ZBED2: variants seen among roughly 807,000 people sequenced by gnomAD.
ZBED2 encodes the protein zinc finger BED domain-containing protein 2.
For missense variants in ZBED2, 285 were observed against 281.0 expected (o/e 1.01, Z -0.10); for synonymous variants, 97 against 98.8 (o/e 0.98, Z 0.11).
chr3:111,593,429 C>G lies in ZBED2; in HGVS notation c.*116G>C, dbSNP rs1216335690. 1 of 1,320,476 alleles carries G rather than the reference C, an allele frequency of 7.6e-7. No individual in the cohort carries two copies. 81.8% of individuals were successfully genotyped at this position (1,320,476 alleles called of 1,614,324 possible). ...GATTAACTCATACTGTGCACTATTT[C>G]ACATAAAAGCAAAATGTCACCAAAC... On this transcript the variant is annotated 3_prime_UTR_variant, in exon 2 of 2. Transcript: ENST00000317012.
Position 111,593,849 on chromosome 3 carries a change from G to T in ZBED2, c.353C>A (p.Ala118Asp). ...GGGCCTTGGATCCTGGCGCTGCCCA[G>T]CCTGACCATGGCCACTCTTCTCCAG... ...EELEKSGHGQ[A>D]GQRQDPRPHG... Residue 118 changes from alanine to aspartate, a missense_variant, in exon 2 of 2, where the codon GCT becomes GAT. By Grantham distance (126) the Ala-to-Asp change is moderately radical. Coordinates refer to ENST00000317012, the MANE Select transcript of ZBED2 (RefSeq NM_024508.5). 2 of 1,613,952 alleles carry T rather than the reference G, an allele frequency of 1.2e-6. No homozygotes were observed. The highest frequency in any genetic ancestry group is 1.7e-6 in the Non-Finnish European group (2 of 1,180,038).
At chr3:111,595,209 T>G (rs1167999043) in intron 1 of ZBED2, 91 bp downstream of exon 1, 1 of 153,118 alleles carries the variant, frequency 6.5e-6, no homozygotes, top group Non-Finnish European at 1.5e-5. Context: ...CTTTCTTGGG[T>G]CATTTCTTAA....
chr3:111,595,165 A>G (rs1254693652), intron 1 of ZBED2, 99 bp from the exon 2 acceptor site: 1 of 161,466 alleles, frequency 6.2e-6, no homozygotes, highest in African/African-American at 2.4e-5. Flanking sequence ...ATGGAAAATC[A>G]TATTACATTT....
rs552827671 is a variant in ZBED2 at position 111,594,648 on chromosome 3, T to G, written c.-447A>C. On this transcript the variant is annotated 5_prime_UTR_variant, in exon 2 of 2. Transcript: ENST00000317012. The stretch of plus-strand genomic sequence containing the variant: ...TGGTTGTTTCCACTGTTTCTGTGCT[T>G]CTTATTTCCTATAATTGCATTTTGG... The G allele has an allele frequency of 1.8e-5, 3 of 169,742 alleles. No individual in the cohort carries two copies. The highest frequency in any genetic ancestry group is 4.3e-5 in the Non-Finnish European group (3 of 70,046). 10.5% of individuals were successfully genotyped at this position (169,742 alleles called of 1,614,324 possible). A position where few individuals can be genotyped will look rare whatever the true frequency, so the allele number is the denominator to read the frequency against.
intron 1 of ZBED2, 93 bp downstream of exon 1, chr3:111,595,207 G>A (rs1000910085): frequency 2.0e-5 from 3 of 152,940 alleles, no homozygotes; most frequent in South Asian, 4.2e-4. Flanking sequence ...TCCTTTCTTG[G>A]GTCATTTCTT....
chr3:111,593,930 AC>A lies in ZBED2; in HGVS notation c.271del (p.Val91SerfsTer12). The A allele has an allele frequency of 6.2e-7, 1 of 1,613,720 alleles. No individual in the cohort carries two copies. The highest frequency in any genetic ancestry group is 8.5e-7 in the Non-Finnish European group (1 of 1,180,010). On this transcript the variant is annotated frameshift_variant, in exon 2 of 2. Coordinates refer to ENST00000317012, the MANE Select transcript of ZBED2 (RefSeq NM_024508.5). LOFTEE classifies it low-confidence loss of function (END_TRUNC). ...CCACAGTGCAGTGGTGCCCACGTTGACCCCAGGGCCACGGCTCACCTGCCTG... is the reference window on the plus strand; with the variant it reads ...CCACAGTGCAGTGGTGCCCACGTTGACCCAGGGCCACGGCTCACCTGCCTG... ...CGRQVSRGPGVNVGTTALWKH... is the reference protein window; with the variant it reads ...CGRQVSRGPGXNVGTTALWKH...
chr3:111,593,831 G>C lies in ZBED2; in HGVS notation c.371C>G (p.Pro124Arg). 6.2e-7 allele frequency: 1 copy of C among 1,614,068 alleles called. No individual in the cohort carries two copies. Among genetic ancestry groups the C allele is most frequent in the Non-Finnish European group, 8.5e-7 (1 of 1,180,036 alleles). ...GHGQAGQRQD[P>R]RPHGPQLPTG... ...GGGGAGCTGGGGCCCGTGGGGCCTT[G>C]GATCCTGGCGCTGCCCAGCCTGACC... The change falls in exon 2 of 2, where the codon CCA becomes CGA. Residue 124 changes from proline to arginine, a missense_variant. By Grantham distance (103) the Pro-to-Arg change is moderately radical (BLOSUM62 -2). Coordinates refer to ENST00000317012, the MANE Select transcript of ZBED2 (RefSeq NM_024508.5).
chr3:111,594,045 G>A lies in ZBED2; in HGVS notation c.157C>T (p.Arg53Trp), dbSNP rs967555755. The change falls in exon 2 of 2, where the codon CGG becomes TGG. Residue 53 changes from arginine (R) to tryptophan (W), a missense_variant. Arg to Trp is a moderately radical substitution (Grantham distance 101). Transcript: ENST00000317012. The part of the protein sequence containing the change: ...PTPMPHNKGT[R>W]FSEAWEYFHL... ...AAATATTCCCATGCCTCAGAGAACC[G>A]GGTGCCCTTGTTGTGGGGCATTGGA... 5.0e-6 allele frequency: 8 copies of A among 1,614,030 alleles called. No individual in the cohort carries two copies. Among genetic ancestry groups the A allele is most frequent in the African/African-American group, 1.3e-5 (1 of 74,914 alleles).
Position 111,593,545 on chromosome 3 carries a change from T to C in ZBED2, c.657A>G (p.Ter219=). The C allele has an allele frequency of 6.6e-7, 1 of 1,512,826 alleles. No homozygotes were observed. Among genetic ancestry groups the C allele is most frequent in the East Asian group, 2.3e-5 (1 of 43,830 alleles). 93.7% of individuals were successfully genotyped at this position (1,512,826 alleles called of 1,614,324 possible). The change falls in exon 2 of 2, where the codon TAA becomes TAG. Residue 219 remains the stop codon, a stop_retained_variant. Transcript: ENST00000317012. ...PAAVHPFHFV[*] ...TCAGAATAGATTCTCCAAGCCCAAT[T>C]TAAACAAAATGGAAGGGATGTACTG... is the stretch of plus-strand genomic sequence containing the variant.
rs1576364597 is a variant in ZBED2, at chr3:111,594,227, T to C, written c.-26A>G. 3.2e-6 allele frequency: 5 copies of C among 1,561,620 alleles called. No homozygotes were observed. The South Asian group carries it at 4.9e-5, about 15-fold the overall frequency. On this transcript the variant is annotated 5_prime_UTR_variant, in exon 2 of 2. Coordinates refer to ENST00000317012, the MANE Select transcript of ZBED2 (RefSeq NM_024508.5). ...GTCACCTCTTCTACAGCGTTCTTTA[T>C]GATGTGCTTAGATGTGAGCCAAAAG...
rs1466999670 is a variant in ZBED2 at position 111,593,704 on chromosome 3, T to C, written c.498A>G (p.Ala166=). ...CCACAGCCCTCTCCCGCCATTCCAC[T>C]GCCCTTTCCCTCCTAAGCACCTCCT... ...REKEVLRRER[A]VEWRERAVEK... Residue 166 remains alanine, a synonymous_variant, in exon 2 of 2, where the codon GCA becomes GCG. Coordinates refer to ENST00000317012, the MANE Select transcript of ZBED2 (RefSeq NM_024508.5). 1.9e-6 allele frequency: 3 copies of C among 1,614,050 alleles called. No individual in the cohort carries two copies. Among genetic ancestry groups the C allele is most frequent in the Non-Finnish European group, 2.5e-6 (3 of 1,179,944 alleles).
At position 111,594,459 on chromosome 3, in the gene ZBED2, C is replaced by T. The variant is rs1286813541; in HGVS notation, c.-258G>A. ...CATGCCCCAGATACTTACTTATCCTCCCTTGACTAGGCCAGAAAGACAAAA... is the reference window on the plus strand; with the variant it reads ...CATGCCCCAGATACTTACTTATCCTTCCTTGACTAGGCCAGAAAGACAAAA... On this transcript the variant is annotated 5_prime_UTR_variant, in exon 2 of 2. Transcript: ENST00000317012. 9.6e-6 allele frequency: 4 copies of T among 415,440 alleles called. No individual in the cohort carries two copies. The highest frequency in any genetic ancestry group is 6.0e-5 in the African/African-American group (3 of 50,024). The allele number at this position is 415,440 out of a possible 1,614,324, so 25.7% of individuals were successfully genotyped here.
Position 111,593,396 on chromosome 3 carries a change from C to A in ZBED2, c.*149G>T. Reference sequence around the variant, plus strand: ...TAGATAAGCATTTGGTCAATTCAGACCTGCTCAGATTAACTCATACTGTGC... The same window carrying A: ...TAGATAAGCATTTGGTCAATTCAGAACTGCTCAGATTAACTCATACTGTGC... On this transcript the variant is annotated 3_prime_UTR_variant, in exon 2 of 2. Coordinates refer to ENST00000317012, the MANE Select transcript of ZBED2 (RefSeq NM_024508.5). The A allele has an allele frequency of 1.0e-6, 1 of 984,582 alleles. No homozygotes were observed. The allele number at this position is 984,582 out of a possible 1,614,324, so 61.0% of individuals were successfully genotyped here.
Position 111,594,310 on chromosome 3 carries a change from G to C in ZBED2, c.-109C>G, listed in dbSNP as rs1320050675. On this transcript the variant is annotated 5_prime_UTR_variant, in exon 2 of 2. Coordinates refer to ENST00000317012, the MANE Select transcript of ZBED2 (RefSeq NM_024508.5). ...GGGAAGGGCCTGTGGTAACTCTTGG[G>C]GATTCACAATAATGGCCAAAGTCTG... The C allele has an allele frequency of 7.2e-7, 1 of 1,380,800 alleles. No individual in the cohort carries two copies. The highest frequency in any genetic ancestry group is 1.4e-5 in the African/African-American group (1 of 69,074). 85.5% of individuals were successfully genotyped at this position (1,380,800 alleles called of 1,614,324 possible).
Position 111,593,906 on chromosome 3 carries a change from C to T in ZBED2, c.296G>A (p.Trp99Ter). The change falls in exon 2 of 2, where the codon TGG (tryptophan) becomes TAG (stop). Residue 99 changes from tryptophan to a stop codon, truncating the protein, a stop_gained. Coordinates refer to ENST00000317012, the MANE Select transcript of ZBED2 (RefSeq NM_024508.5). LOFTEE classifies it low-confidence loss of function (END_TRUNC). Reference sequence around the variant, plus strand: ...TCTGTGCATGCTTTTCAGATGCTTCCACAGTGCAGTGGTGCCCACGTTGAC... The same window carrying T: ...TCTGTGCATGCTTTTCAGATGCTTCTACAGTGCAGTGGTGCCCACGTTGAC... ...PGVNVGTTAL[W>*]KHLKSMHREE... 6.2e-6 allele frequency: 10 copies of T among 1,613,736 alleles called. No homozygotes were observed. Among genetic ancestry groups the T allele is most frequent in the Non-Finnish European group, 8.5e-6 (10 of 1,180,040 alleles).
At chr3:111,595,273 T>A (rs941620633) in intron 1 of ZBED2, 27 bp downstream of exon 1, 4 of 152,052 alleles carry the variant, frequency 2.6e-5, no homozygotes, top group Non-Finnish European at 4.4e-5. Context: ...GTTAGGAAAT[T>A]CCCCCCAGCC....
In ZBED2 at chr3:111,593,395, A is replaced by T; in HGVS notation, c.*150T>A. The T allele has an allele frequency of 1.0e-6, 1 of 971,808 alleles. No individual in the cohort carries two copies. Among genetic ancestry groups the T allele is most frequent in the Non-Finnish European group, 1.4e-6 (1 of 697,714 alleles). The allele number at this position is 971,808 out of a possible 1,614,324, so 60.2% of individuals were successfully genotyped here. On this transcript the variant is annotated 3_prime_UTR_variant, in exon 2 of 2. Transcript: ENST00000317012. ...GTAGATAAGCATTTGGTCAATTCAG[A>T]CCTGCTCAGATTAACTCATACTGTG... is the stretch of plus-strand genomic sequence containing the variant.
rs770998644 is a variant in ZBED2, at chr3:111,594,241, G to A, written c.-40C>T. 2 of 1,526,108 alleles carry A rather than the reference G, an allele frequency of 1.3e-6. No homozygotes were observed. The highest frequency in any genetic ancestry group is 2.1e-5 in the Admixed American group (1 of 46,632). The allele number at this position is 1,526,108 out of a possible 1,614,324, so 94.5% of individuals were successfully genotyped here. On this transcript the variant is annotated 5_prime_UTR_variant, in exon 2 of 2. Coordinates refer to ENST00000317012, the MANE Select transcript of ZBED2 (RefSeq NM_024508.5). ...AGCGTTCTTTATGATGTGCTTAGAT[G>A]TGAGCCAAAAGCTTATTTGAACCAC...
rs1937133856 is a variant in ZBED2, at chr3:111,594,055, G to C, written c.147C>G (p.Asn49Lys). 1 of 1,614,180 alleles carries C rather than the reference G, an allele frequency of 6.2e-7. No individual in the cohort carries two copies. Among genetic ancestry groups the C allele is most frequent in the South Asian group, 1.1e-5 (1 of 91,080 alleles). ...ATGCCTCAGAGAACCGGGTGCCCTT[G>C]TTGTGGGGCATTGGAGTGGGCATAG... ...VSAMPTPMPH[N>K]KGTRFSEAWE... Residue 49 changes from asparagine to lysine, a missense_variant, in exon 2 of 2, where the codon AAC (asparagine) becomes AAG (lysine). Coordinates refer to ENST00000317012, the MANE Select transcript of ZBED2 (RefSeq NM_024508.5).
Sources: allele counts gnomAD v4.1 joint callset, GRCh38; gene constraint gnomAD v4.1.1; transcripts MANE v1.5; gene names NCBI Gene and HGNC (gene_info 2026-07-23, HGNC 2026-07-21).